GCNT2: variants seen among roughly 807,000 people sequenced by gnomAD.
The protein encoded by GCNT2 is N-acetyllactosaminide beta-1,6-N-acetylglucosaminyl-transferase.
In GCNT2, 34 loss-of-function variants were observed where a neutral mutation model predicts 34.2. That is an observed-to-expected ratio of 1.00 (90% CI 0.76 to 1.32). The LOEUF is 1.32. Among genes scored for constraint, GCNT2 ranks in the 40% most tolerant of loss-of-function variants. GCNT2 has a pLI of 0.00. For missense variants in GCNT2, 584 were observed against 489.4 expected, an observed-to-expected ratio of 1.19 and a Z score of -1.82; for synonymous variants, 212 against 188.0, an observed-to-expected ratio of 1.13 and a Z score of -1.04.
intron 3 of GCNT2, among the ~76,000 whole-genome samples, chr6:10,590,897 T>A (rs1246922562): frequency 6.6e-6 from 1 of 152,214 alleles, no homozygotes; most frequent in Admixed American, 6.5e-5. Flanking sequence ...CATCCTCTCA[T>A]AAAGAATGTC....
At chr6:10,567,735 T>C (rs1482226273) in intron 3 of GCNT2, among the ~76,000 whole-genome samples, 2 of 152,208 alleles carry the variant, frequency 1.3e-5, no homozygotes, top group Admixed American at 1.3e-4. Flanking sequence ...AATCGATCTT[T>C]TCTGGAAGTT....
intron 3 of GCNT2, among the ~76,000 whole-genome samples, chr6:10,549,552 A>C (rs57957696): frequency 0.024 from 3,282 of 134,624 alleles, 85 homozygotes; most frequent in African/African-American, 0.06. Context: ...TTTCTCTCTC[A>C]ATCTCTCTCT....
Position 10,565,267 on chromosome 6 carries a change from G to T in GCNT2, c.925+35431G>T, listed in dbSNP as rs2127389894. ...GCCAGAGAAAAACAGATCTGACAGTGCCCTGCTTGTGGGCAAGTGCTGGGC... is the reference window on the plus strand; with the variant it reads ...GCCAGAGAAAAACAGATCTGACAGTTCCCTGCTTGTGGGCAAGTGCTGGGC... On this transcript the variant is annotated intron_variant, in intron 3 of 4. Coordinates refer to ENST00000495262, the MANE Select transcript of GCNT2 (RefSeq NM_145649.5). 1.3e-5 allele frequency among the ~76,000 whole-genome samples: 2 copies of T among 152,334 alleles called. 1 individual carries two copies. Among genetic ancestry groups the T allele is most frequent in the South Asian group, 4.1e-4 (2 of 4,830 alleles).
chr6:10,583,559 G>GC (rs1484442408), intron 3 of GCNT2, among the ~76,000 whole-genome samples: 2 of 152,208 alleles, frequency 1.3e-5, no homozygotes, highest in Non-Finnish European at 2.9e-5. Context: ...AGCACTGCAA[G>GC]CAGGTGAACT....
intron 3 of GCNT2, among the ~76,000 whole-genome samples, chr6:10,531,822 G>A (rs1181745475): frequency 1.3e-5 from 2 of 150,066 alleles, no homozygotes; most frequent in Non-Finnish European, 2.9e-5. Flanking sequence ...GGGAGACATT[G>A]ACACAGCAGT....
At chr6:10,597,479 A>T (rs1226809973) in intron 3 of GCNT2, among the ~76,000 whole-genome samples, 1 of 149,938 alleles carries the variant, frequency 6.7e-6, no homozygotes, top group East Asian at 2.0e-4. Context: ...TTCAACTTCC[A>T]CCCCATAAAA....
intron 3 of GCNT2, among the ~76,000 whole-genome samples, chr6:10,591,350 G>A (rs912203031): frequency 6.6e-6 from 1 of 152,166 alleles, no homozygotes; most frequent in African/African-American, 2.4e-5. Context: ...TACCTAGGAT[G>A]GGGGATAATT....
At chr6:10,554,332 A>G (rs1047476113) in intron 3 of GCNT2, among the ~76,000 whole-genome samples, 8 of 152,360 alleles carry the variant, frequency 5.3e-5, no homozygotes, top group African/African-American at 1.9e-4. Context: ...ATATTTTTCA[A>G]CACACAATGC....
rs367565798 is a variant in GCNT2, at chr6:10,561,125, T to C, written c.925+31289T>C. On this transcript the variant is annotated intron_variant, in intron 3 of 4. Coordinates refer to ENST00000495262, the MANE Select transcript of GCNT2 (RefSeq NM_145649.5). ...TCTAAGTCACTTTAAGAAAAACCCATGTGCTCTAGCTCTCCCGGCTCTTCT... is the reference window on the plus strand; with the variant it reads ...TCTAAGTCACTTTAAGAAAAACCCACGTGCTCTAGCTCTCCCGGCTCTTCT... Among the ~76,000 whole-genome samples, 90 of 152,336 alleles carry C rather than the reference T, an allele frequency of 5.9e-4. 2 individuals are homozygous for C. In the South Asian group the frequency reaches 0.013, roughly 22 times the overall value.
intron 3 of GCNT2, among the ~76,000 whole-genome samples, chr6:10,565,425 T>G (rs1763231425): frequency 6.6e-6 from 1 of 152,180 alleles, no homozygotes; most frequent in African/African-American, 2.4e-5. Flanking sequence ...AAGTCCGCCT[T>G]TCTTCATGGT....
At chr6:10,555,664 G>A (rs1474754431) in intron 3 of GCNT2, 4 of 863,372 alleles carry the variant, frequency 4.6e-6, no homozygotes, top group Admixed American at 6.2e-5. Context: ...AGAGTCAGGA[G>A]CCCAAGGCGC....
At chr6:10,589,273 G>C (rs889522624) in intron 3 of GCNT2, among the ~76,000 whole-genome samples, 1 of 147,896 alleles carries the variant, frequency 6.8e-6, no homozygotes, top group African/African-American at 2.5e-5. Context: ...TGTGGGGTGT[G>C]TGTGTTTCTA....
chr6:10,560,381 G>T (rs1762921911), intron 3 of GCNT2, among the ~76,000 whole-genome samples: 1 of 152,140 alleles, frequency 6.6e-6, no homozygotes, highest in African/African-American at 2.4e-5. Context: ...ATGAGCCACT[G>T]CGCCGGGCTG....
chr6:10,620,905 G>A (rs1030208771), intron 3 of GCNT2, among the ~76,000 whole-genome samples: 1 of 152,016 alleles, frequency 6.6e-6, no homozygotes, highest in African/African-American at 2.4e-5. Flanking sequence ...GGGTGCTATC[G>A]GCATCTATTG....
At chr6:10,526,335 CCT>C (rs1421811725) in intron 1 of GCNT2, among the ~76,000 whole-genome samples, 1 of 152,076 alleles carries the variant, frequency 6.6e-6, no homozygotes, top group Non-Finnish European at 1.5e-5. Flanking sequence ...GAGAATTTTC[CCT>C]GTGTCCTTTC....
At chr6:10,558,455 C>A (rs776085215) in intron 3 of GCNT2, among the ~76,000 whole-genome samples, 1 of 152,130 alleles carries the variant, frequency 6.6e-6, no homozygotes, top group Non-Finnish European at 1.5e-5. Context: ...ATAATGAGAT[C>A]CTAGCAGAAA....
At chr6:10,525,363 C>T (rs1015957633) in intron 1 of GCNT2, among the ~76,000 whole-genome samples, 1 of 152,156 alleles carries the variant, frequency 6.6e-6, no homozygotes, top group Non-Finnish European at 1.5e-5. Context: ...TCAGTGCCTC[C>T]GACTTAGAAT....
intron 3 of GCNT2, among the ~76,000 whole-genome samples, chr6:10,536,777 C>T (rs1379086959): frequency 6.8e-6 from 1 of 148,050 alleles, no homozygotes; most frequent in East Asian, 2.0e-4. Context: ...AATCTCGGCT[C>T]ACTGCAACCT....
chr6:10,626,074 C>T (rs757787529), intron 4 of GCNT2, among the ~76,000 whole-genome samples: 1 of 152,178 alleles, frequency 6.6e-6, no homozygotes, highest in Non-Finnish European at 1.5e-5. Flanking sequence ...GGGGGGATTA[C>T]TGTACATGAA....
Sources: allele counts gnomAD v4.1 joint callset (sites outside exome capture counted in the v4.1 genomes callset), GRCh38; gene constraint gnomAD v4.1.1; transcripts MANE v1.5; gene names NCBI Gene and HGNC (gene_info 2026-07-23, HGNC 2026-07-21).